The following FRAS1 variants were observed in gnomAD, a reference collection of about 807,000 sequenced individuals.
FRAS1 encodes the protein extracellular matrix organizing protein FRAS1.
A neutral mutation model predicts 435.2 loss-of-function variants in FRAS1; 290 were observed. That is an observed-to-expected ratio of 0.67 (90% CI 0.61 to 0.73). FRAS1 has a LOEUF of 0.73. Among genes scored for constraint, FRAS1 ranks in the 30% least tolerant of loss-of-function variants. FRAS1 has a pLI of 0.00. For missense variants in FRAS1, 4,860 were observed against 5,001.5 expected (o/e 0.97, Z 0.85); for synonymous variants, 1,800 against 1,851.0 (o/e 0.97, Z 0.71).
At position 78,438,536 on chromosome 4, in the gene FRAS1, G is replaced by A. The variant is rs1326843749; in HGVS notation, c.5218-34G>A. The A allele has an allele frequency of 9.3e-6, 15 of 1,611,808 alleles. No homozygotes were observed. In the Admixed American group the frequency reaches 1.5e-4, roughly 16 times the overall value. On this transcript the variant is annotated intron_variant, in intron 38 of 73. Transcript: ENST00000512123. ...TGGAAGTGTTTATTCCTGCAAATGT[G>A]CGTTCATGTCCTGCCTCATGTTTGC...
At chr4:78,282,734 A>C in intron 11 of FRAS1, 86 bp from the exon 12 acceptor site, 1 of 1,506,768 alleles carries the variant, frequency 6.6e-7, no homozygotes, top group South Asian at 1.2e-5. Context: ...CTTTGTTCTT[A>C]TGGAAATTGT....
At chr4:78,535,590 C>T (rs969020535) in intron 71 of FRAS1, among the ~76,000 whole-genome samples, 3 of 152,194 alleles carry the variant, frequency 2.0e-5, no homozygotes, top group African/African-American at 7.2e-5. Context: ...CTACATCCTA[C>T]GTCCCATCTA....
chr4:78,158,155 T>G (rs1025815323), intron 2 of FRAS1, among the ~76,000 whole-genome samples: 2 of 152,196 alleles, frequency 1.3e-5, no homozygotes, highest in Admixed American at 1.3e-4. Context: ...GCTTTTGCTA[T>G]TTGGGTTCTT....
intron 20 of FRAS1, among the ~76,000 whole-genome samples, chr4:78,343,345 T>C (rs191094115): frequency 1.3e-3 from 205 of 152,272 alleles, no homozygotes; most frequent in African/African-American, 4.6e-3. Flanking sequence ...CTTTGAACAA[T>C]TGGTTTGCAC....
intron 3 of FRAS1, among the ~76,000 whole-genome samples, chr4:78,238,099 G>A (rs1169064785): frequency 6.6e-6 from 1 of 152,032 alleles, no homozygotes; most frequent in Non-Finnish European, 1.5e-5. Context: ...CTGACTTATT[G>A]AAAAAGATTT....
intron 10 of FRAS1, among the ~76,000 whole-genome samples, chr4:78,280,426 C>A (rs946163098): frequency 1.7e-4 from 26 of 152,102 alleles, no homozygotes; most frequent in Admixed American, 3.9e-4. Flanking sequence ...CTTAGAATGG[C>A]ATGCAATTAA....
intron 47 of FRAS1, among the ~76,000 whole-genome samples, chr4:78,457,442 G>A (rs1045995349): frequency 6.6e-6 from 1 of 152,112 alleles, no homozygotes; most frequent in Non-Finnish European, 1.5e-5. Flanking sequence ...GCTTCATGCA[G>A]CCTCTGTGAA....
chr4:78,142,963 A>G (rs1334961188), intron 2 of FRAS1, among the ~76,000 whole-genome samples: 1 of 152,190 alleles, frequency 6.6e-6, no homozygotes, highest in Non-Finnish European at 1.5e-5. Context: ...AGAAAAAGAA[A>G]CAAGTATAAA....
At chr4:78,517,611 T>C (rs781735770) in intron 66 of FRAS1, among the ~76,000 whole-genome samples, 2 of 152,238 alleles carry the variant, frequency 1.3e-5, no homozygotes, top group African/African-American at 2.4e-5. Flanking sequence ...CCTTTTGCTG[T>C]CAATCAACAG....
chr4:78,057,865 G>A lies in FRAS1; in HGVS notation c.-145G>A. 5.9e-6 allele frequency: 4 copies of A among 680,900 alleles called. No individual in the cohort carries two copies. The highest frequency in any genetic ancestry group is 1.0e-5 in the Non-Finnish European group (4 of 394,748). 42.2% of individuals were successfully genotyped at this position (680,900 alleles called of 1,614,324 possible). On this transcript the variant is annotated 5_prime_UTR_variant, in exon 1 of 74. Transcript: ENST00000512123. This position sits in a 1 kb window ranked among gnomAD's most constrained non-coding sequence, Gnocchi z 4.2. ...GGCTGATGAGTGTCGCTCTCCGCCCGTCCATCTCTTTTTCCCGGAGGTAAA... is the reference window on the plus strand; with the variant it reads ...GGCTGATGAGTGTCGCTCTCCGCCCATCCATCTCTTTTTCCCGGAGGTAAA...
chr4:78,363,727 T>G (rs1731164378), intron 21 of FRAS1, 62 bp downstream of exon 21: 3 of 1,525,392 alleles, frequency 2.0e-6, no homozygotes, highest in African/African-American at 1.4e-5. Context: ...GGGCAGTAGC[T>G]GGGAAGGATC....
intron 2 of FRAS1, among the ~76,000 whole-genome samples, chr4:78,212,067 A>G (rs1038181541): frequency 6.6e-6 from 1 of 152,224 alleles, no homozygotes; most frequent in Non-Finnish European, 1.5e-5. Context: ...ATGCATATGT[A>G]TGTATATATA....
chr4:78,461,126 A>C (rs1022400097), intron 47 of FRAS1, among the ~76,000 whole-genome samples: 1 of 152,244 alleles, frequency 6.6e-6, no homozygotes, highest in Non-Finnish European at 1.5e-5. Context: ...TATTTCAGAC[A>C]AGAAAGAGGA....
At chr4:78,430,173 C>T in intron 36 of FRAS1, 119 bp from the exon 37 acceptor site, 2 of 1,203,246 alleles carry the variant, frequency 1.7e-6, no homozygotes, top group African/African-American at 3.0e-5. Context: ...GCAGTGCTTT[C>T]TGATAACAAT....
At chr4:78,175,605 G>T (rs1192492378) in intron 2 of FRAS1, among the ~76,000 whole-genome samples, 1 of 152,138 alleles carries the variant, frequency 6.6e-6, no homozygotes, top group East Asian at 1.9e-4. Context: ...GTTACAGCAG[G>T]GAGCCAATAT....
At chr4:78,071,227 A>G (rs1051708408) in intron 2 of FRAS1, 2 of 152,204 alleles carry the variant, frequency 1.3e-5, no homozygotes, top group Admixed American at 6.5e-5. Flanking sequence ...CACTACATAC[A>G]TGCTGTGTGG....
intron 9 of FRAS1, among the ~76,000 whole-genome samples, chr4:78,274,764 G>A (rs1452753918): frequency 6.6e-6 from 1 of 152,212 alleles, no homozygotes; most frequent in African/African-American, 2.4e-5. Flanking sequence ...TAGGTGTGGT[G>A]TGGTGCTGAA....
chr4:78,118,660 C>T (rs111511432), intron 2 of FRAS1, among the ~76,000 whole-genome samples: 53 of 152,214 alleles, frequency 3.5e-4, no homozygotes, highest in South Asian at 1.0e-3. Context: ...TTGCTAAGAC[C>T]GTTGGAAAAG....
In FRAS1 at chr4:78,483,799, A is replaced by ATAT. The variant is rs1560753038; in HGVS notation, c.8752+1264_8752+1265insTAT. Among the ~76,000 whole-genome samples the ATAT allele has an allele frequency of 8.8e-3, 593 of 67,414 alleles. 60 individuals carry two copies. Among genetic ancestry groups the ATAT allele is most frequent in the African/African-American group, 0.021 (503 of 24,108 alleles). The allele number at this position is 67,414 out of a possible 152,430, so 44.2% of individuals were successfully genotyped here. ...CTCTCTCTCTATATATATATATATA[A>ATAT]AATTATGTATGTGTGATACACACAC... On this transcript the variant is annotated intron_variant, in intron 58 of 73. Coordinates refer to ENST00000512123, the MANE Select transcript of FRAS1 (RefSeq NM_025074.7).
Sources: allele counts gnomAD v4.1 joint callset (sites outside exome capture counted in the v4.1 genomes callset), GRCh38; gene constraint gnomAD v4.1.1; non-coding constraint Gnocchi (gnomAD v3.1); transcripts MANE v1.5; gene names NCBI Gene and HGNC (gene_info 2026-07-23, HGNC 2026-07-21).